KIAA1549: variants seen among roughly 807,000 people sequenced by gnomAD.
KIAA1549 encodes UPF0606 protein KIAA1549.
Under a neutral mutation model 156.4 loss-of-function variants are expected in KIAA1549, and 70 were observed. That is an observed-to-expected ratio of 0.45 (90% CI 0.37 to 0.55). The LOEUF is 0.55. KIAA1549 is among the 20% of genes least tolerant of loss of function. KIAA1549 has a pLI of 0.00. For missense variants in KIAA1549, 2,428 were observed against 2,540.9 expected (o/e 0.96, Z 0.96); for synonymous variants, 1,103 against 1,066.4 (o/e 1.03, Z -0.67).
chr7:138,833,586 A>C lies in KIAA1549; in HGVS notation c.*4320T>G, dbSNP rs1235111386. On this transcript the variant is annotated 3_prime_UTR_variant, in exon 20 of 20. Coordinates refer to ENST00000422774, the MANE Select transcript of KIAA1549 (RefSeq NM_001164665.2). Reference sequence around the variant, plus strand: ...AAAAGTCATCTGCCACCCAAATCAAAACACTATGAAATTAATAAAATTTGG... The same window carrying C: ...AAAAGTCATCTGCCACCCAAATCAACACACTATGAAATTAATAAAATTTGG... 1.3e-5 allele frequency: 3 copies of C among 232,284 alleles called. No individual in the cohort carries two copies. The East Asian group carries it at 1.8e-4, about 14-fold the overall frequency. 14.4% of individuals were successfully genotyped at this position (232,284 alleles called of 1,614,324 possible). A position where few individuals can be genotyped will look rare whatever the true frequency, so the allele number is the denominator to read the frequency against.
chr7:138,925,997 C>T (rs533097783), intron 1 of KIAA1549, among the ~76,000 whole-genome samples: 21 of 152,290 alleles, frequency 1.4e-4, no homozygotes, highest in South Asian at 8.3e-4. Flanking sequence ...CAGGCACAGA[C>T]GCTGGGAAAA....
intron 17 of KIAA1549, among the ~76,000 whole-genome samples, chr7:138,848,776 A>T (rs150493133): frequency 6.6e-6 from 1 of 152,176 alleles, no homozygotes; most frequent in African/African-American, 2.4e-5. Flanking sequence ...TGTTTGGCAG[A>T]ATTCACTGCT....
At chr7:138,980,744 AC>A (rs779624219) in intron 1 of KIAA1549, among the ~76,000 whole-genome samples, 5 of 152,208 alleles carry the variant, frequency 3.3e-5, no homozygotes, top group Non-Finnish European at 7.3e-5. Context: ...TACAGCCTTG[AC>A]AAAAAAGCAC....
intron 1 of KIAA1549, among the ~76,000 whole-genome samples, chr7:138,971,638 G>A (rs986707413): frequency 1.3e-5 from 2 of 152,114 alleles, no homozygotes; most frequent in Middle Eastern, 3.4e-3. Context: ...CCCAGTCAGC[G>A]GCTGTCACAA....
chr7:138,945,836 G>A lies in KIAA1549; in HGVS notation c.188-26398C>T, dbSNP rs551806663. Among the ~76,000 whole-genome samples the A allele has an allele frequency of 1.5e-3, 223 of 152,214 alleles. 2 individuals are homozygous for A. The highest frequency in any genetic ancestry group is 5.0e-3 in the African/African-American group (209 of 41,514). On this transcript the variant is annotated intron_variant, in intron 1 of 19. Coordinates refer to ENST00000422774, the MANE Select transcript of KIAA1549 (RefSeq NM_001164665.2). Reference sequence around the variant, plus strand: ...TAGTAGTTTGGAGGCTGAGACAGGAGGATGGCTTGAGCCCAGGAGTTCAAG... The same window carrying A: ...TAGTAGTTTGGAGGCTGAGACAGGAAGATGGCTTGAGCCCAGGAGTTCAAG...
chr7:138,867,876 A>G, intron 15 of KIAA1549, 99 bp downstream of exon 15: 1 of 1,297,580 alleles, frequency 7.7e-7, no homozygotes, highest in Non-Finnish European at 1.1e-6. Flanking sequence ...GATACCACAC[A>G]GGGCGGCAGC....
Position 138,869,599 on chromosome 7 carries a change from T to A in KIAA1549, c.4714A>T (p.Ile1572Phe). 3.7e-6 allele frequency: 6 copies of A among 1,602,646 alleles called. No individual in the cohort carries two copies. The highest frequency in any genetic ancestry group is 4.3e-6 in the Non-Finnish European group (5 of 1,175,946). The change falls in exon 14 of 20, where the codon ATC becomes TTC. Residue 1572 changes from isoleucine (I) to phenylalanine (F), a missense_variant. Ile to Phe is a conservative substitution (Grantham distance 21). This residue lies in a region of KIAA1549 where 404 missense variants were observed against 417.0 expected (regional missense o/e 0.97). Transcript: ENST00000422774. ...HRVYRRAQMQ[I>F]DKILDPTASV... is the part of the protein sequence containing the mutation. ...GCCGTGGGGTCCAGGATCTTGTCGA[T>A]CTGCATCTGTGCCCTGCGGTACACC... is the stretch of plus-strand genomic sequence containing the variant.
intron 18 of KIAA1549, among the ~76,000 whole-genome samples, chr7:138,844,033 T>C (rs1459349351): frequency 6.6e-6 from 1 of 152,166 alleles, no homozygotes; most frequent in Non-Finnish European, 1.5e-5. Flanking sequence ...TGCTCAGACC[T>C]AGATCTTTCC....
chr7:138,923,797 A>G (rs1812632793), intron 1 of KIAA1549, among the ~76,000 whole-genome samples: 1 of 152,202 alleles, frequency 6.6e-6, no homozygotes, highest in Admixed American at 6.5e-5. Flanking sequence ...TCAAGAGTTA[A>G]GACAAAATTC....
intron 10 of KIAA1549, among the ~76,000 whole-genome samples, chr7:138,889,282 G>T (rs888383755): frequency 1.4e-4 from 21 of 152,152 alleles, no homozygotes; most frequent in African/African-American, 5.1e-4. Context: ...GGTCTACGTA[G>T]CCCAAGCCTA....
rs766192333 is a variant in KIAA1549 at position 138,836,881 on chromosome 7, G to GTATAAC, written c.*1019_*1024dup. 2 of 225,748 alleles carry GTATAAC rather than the reference G, an allele frequency of 8.9e-6. No individual in the cohort carries two copies. Among genetic ancestry groups the GTATAAC allele is most frequent in the Non-Finnish European group, 1.8e-5 (2 of 113,504 alleles). 14.0% of individuals were successfully genotyped at this position (225,748 alleles called of 1,614,324 possible). On this transcript the variant is annotated 3_prime_UTR_variant, in exon 20 of 20. Coordinates refer to ENST00000422774, the MANE Select transcript of KIAA1549 (RefSeq NM_001164665.2). ...GGGAATGTGACTGGTAGGGATGTAT[G>GTATAAC]TATAACAATTTCGTGGTGCTGGGAA...
chr7:138,899,107 C>T lies in KIAA1549; in HGVS notation c.3695G>A (p.Gly1232Glu), dbSNP rs1433358181. 6.2e-7 allele frequency: 1 copy of T among 1,613,832 alleles called. No homozygotes were observed. The highest frequency in any genetic ancestry group is 1.1e-5 in the South Asian group (1 of 91,086). ...GATGAGCTGTACCGGATTGTCATCT[C>T]CCTCCAGCCTCGACACATTTACCAC... ...VQVVNVSRLE[G>E]DDNPVQLIYF... The change falls in exon 9 of 20, where the codon GGA (glycine) becomes GAA (glutamate). Residue 1232 changes from glycine to glutamate, a missense_variant. Physicochemically the swap from Gly to Glu is moderately conservative, Grantham distance 98. Coordinates refer to ENST00000422774, the MANE Select transcript of KIAA1549 (RefSeq NM_001164665.2).
intron 17 of KIAA1549, among the ~76,000 whole-genome samples, chr7:138,848,647 C>G (rs193257578): frequency 0.012 from 1,752 of 152,166 alleles, 21 homozygotes; most frequent in Non-Finnish European, 0.015. Context: ...TGTCCTTGTC[C>G]TTCTTGCCCT....
rs996726140 is a variant in KIAA1549 at position 138,837,769 on chromosome 7, A to C, written c.*137T>G. The C allele has an allele frequency of 3.3e-5, 31 of 941,554 alleles. No individual in the cohort carries two copies. In the Middle Eastern group the frequency reaches 1.7e-3, roughly 51 times the overall value. The allele number at this position is 941,554 out of a possible 1,614,324, so 58.3% of individuals were successfully genotyped here. On this transcript the variant is annotated 3_prime_UTR_variant, in exon 20 of 20. Coordinates refer to ENST00000422774, the MANE Select transcript of KIAA1549 (RefSeq NM_001164665.2). ...TCACACGACGTATGGCATCTTCTAAATTGCAACTTGCTCCCTCCCTTGGGC... is the reference window on the plus strand; with the variant it reads ...TCACACGACGTATGGCATCTTCTAACTTGCAACTTGCTCCCTCCCTTGGGC...
At chr7:138,942,613 G>A (rs1034949421) in intron 1 of KIAA1549, among the ~76,000 whole-genome samples, 9 of 151,792 alleles carry the variant, frequency 5.9e-5, no homozygotes, top group South Asian at 2.1e-4. Context: ...TCCCTTACCC[G>A]CAAAAGTAAG....
intron 10 of KIAA1549, among the ~76,000 whole-genome samples, chr7:138,889,726 C>T (rs1184465308): frequency 6.6e-6 from 1 of 152,198 alleles, no homozygotes. Flanking sequence ...GCACTTCTCA[C>T]AAACTGAGTG....
intron 1 of KIAA1549, among the ~76,000 whole-genome samples, chr7:138,971,455 C>G (rs1814218648): frequency 6.6e-6 from 1 of 152,180 alleles, no homozygotes; most frequent in Non-Finnish European, 1.5e-5. Context: ...AGCTTTCACT[C>G]CTGCCCTCTC....
intron 16 of KIAA1549, 59 bp from the exon 17 acceptor site, chr7:138,852,328 A>G (rs370303996): frequency 2.9e-5 from 33 of 1,135,954 alleles, no homozygotes; most frequent in Non-Finnish European, 3.6e-5. Context: ...TAAAGTGACA[A>G]CAGCAAACTT....
intron 1 of KIAA1549, among the ~76,000 whole-genome samples, chr7:138,946,850 T>C (rs1813352518): frequency 6.6e-6 from 1 of 152,142 alleles, no homozygotes; most frequent in Non-Finnish European, 1.5e-5. Context: ...CAACAACAAA[T>C]GCTCGCAGGC....
Sources: gnomAD v4.1 joint callset for allele counts (sites outside exome capture counted in the v4.1 genomes callset) on GRCh38, gnomAD v4.1.1 for gene constraint, gnomAD v4.1.1 regional missense constraint, MANE v1.5 for transcripts, NCBI Gene and HGNC (gene_info 2026-07-23, HGNC 2026-07-21) for gene names.